SRR: variants seen among roughly 807,000 people sequenced by gnomAD.
SRR encodes D-serine ammonia-lyase.
SRR carries 19 observed loss-of-function variants against 32.7 expected under a neutral mutation model. The ratio of observed to expected loss-of-function variants is 0.58; its 90% CI spans 0.40 to 0.85. The LOEUF is 0.85. Ranked by LOEUF, SRR falls within the 40% of genes least tolerant of loss-of-function variation. The pLI is 0.00. For synonymous variants in SRR, 142 were observed against 140.9 expected, an observed-to-expected ratio of 1.01 and a Z score of -0.06; for missense variants, 373 against 404.7, an observed-to-expected ratio of 0.92 and a Z score of 0.67.
At chr17:2,321,253 G>C in intron 4 of SRR, 53 bp from the exon 5 acceptor site, 1 of 1,599,988 alleles carries the variant, frequency 6.3e-7, no homozygotes, top group South Asian at 1.1e-5. Context: ...AATGGAACTT[G>C]TTGGGGACTC....
At chr17:2,323,509 A>G (rs2075552113) in intron 7 of SRR, 146 bp from the exon 8 acceptor site, 16 of 1,147,670 alleles carry the variant, frequency 1.4e-5, no homozygotes, top group South Asian at 5.9e-5. Context: ...TGACAGAAGC[A>G]GAGTCAGAAT....
At position 2,323,139 on chromosome 17, in the gene SRR, C is replaced by G. The variant is rs773674415; in HGVS notation, c.598C>G (p.Leu200Val). The G allele has an allele frequency of 2.5e-6, 4 of 1,614,140 alleles. No homozygotes were observed. The Admixed American group carries it at 5.0e-5, about 20-fold the overall frequency. The part of the protein sequence containing the change: ...LAGIAITVKA[L>V]KPSVKVYAAE... Reference sequence around the variant, plus strand: ...GTCTTAATATTCCTCTTCCCAGGCTCTGAAACCTAGTGTGAAGGTATATGC... The same window carrying G: ...GTCTTAATATTCCTCTTCCCAGGCTGTGAAACCTAGTGTGAAGGTATATGC... Residue 200 changes from leucine (L) to valine (V), a missense_variant, in exon 7 of 8, where the codon CTG becomes GTG. Transcript: ENST00000344595.
chr17:2,319,902 C>T lies in SRR; in HGVS notation c.399+973C>T, dbSNP rs145194121. Reference sequence around the variant, plus strand: ...GGTGCCATCTTGGCTCACTGCAAGCCCCGCCTCCTGGGTTCCAGCGATTCT... The same window carrying T: ...GGTGCCATCTTGGCTCACTGCAAGCTCCGCCTCCTGGGTTCCAGCGATTCT... On this transcript the variant is annotated intron_variant, in intron 4 of 7. Transcript: ENST00000344595. Among the ~76,000 whole-genome samples the T allele has an allele frequency of 4.8e-3, 722 of 150,872 alleles. 3 individuals are homozygous for T. The highest frequency in any genetic ancestry group is 0.016 in the African/African-American group (650 of 41,074).
intron 1 of SRR, among the ~76,000 whole-genome samples, chr17:2,305,530 C>T (rs1313561944): frequency 6.6e-6 from 1 of 152,076 alleles, no homozygotes; most frequent in Non-Finnish European, 1.5e-5. Flanking sequence ...GGGGATAATA[C>T]AGCTGACTGC....
At position 2,304,174 on chromosome 17, in the gene SRR, T is replaced by G. The variant is rs200991243; in HGVS notation, c.-5+157T>G. 9.9e-5 allele frequency among the ~76,000 whole-genome samples: 15 copies of G among 151,084 alleles called. No individual in the cohort carries two copies. The East Asian group carries it at 3.0e-3, about 30-fold the overall frequency. The stretch of plus-strand genomic sequence containing the variant: ...CCTCTGGACACCTTAGGCCAGGCTC[T>G]CCCGCCACAGGCCCGGCCTAGCGCC... On this transcript the variant is annotated intron_variant, in intron 1 of 7. Coordinates refer to ENST00000344595, the MANE Select transcript of SRR (RefSeq NM_021947.3).
intron 4 of SRR, among the ~76,000 whole-genome samples, chr17:2,320,681 C>T (rs2075520666): frequency 6.6e-6 from 1 of 152,122 alleles, no homozygotes; most frequent in South Asian, 2.1e-4. Flanking sequence ...CATGCCTCAG[C>T]CACCAGAGTA....
Position 2,324,175 on chromosome 17 carries a change from G to A in SRR, c.*302G>A, listed in dbSNP as rs140951255. ...CTGGAGTACTGACTGGCACCGGTAA[G>A]ACAGAATCTCTTTGAATCCATTACT... On this transcript the variant is annotated 3_prime_UTR_variant, in exon 8 of 8. Transcript: ENST00000344595. The A allele has an allele frequency of 8.2e-4, 1,241 of 1,514,494 alleles. 20 individuals carry two copies. In the East Asian group the frequency reaches 0.026, roughly 32 times the overall value. The allele number at this position is 1,514,494 out of a possible 1,614,324, so 93.8% of individuals were successfully genotyped here.
intron 2 of SRR, 23 bp from the exon 3 acceptor site, chr17:2,317,847 A>C (rs2075489853): frequency 6.2e-7 from 1 of 1,603,970 alleles, no homozygotes; most frequent in South Asian, 1.1e-5. Context: ...CAAATATGTG[A>C]ATTCACCATC....
chr17:2,318,075 T>C, intron 3 of SRR, 79 bp downstream of exon 3: 1 of 1,415,054 alleles, frequency 7.1e-7, no homozygotes, highest in Middle Eastern at 1.9e-4. Context: ...AGAGTGATGA[T>C]AGCTGTGGGA....
chr17:2,321,193 C>T (rs1426441428), intron 4 of SRR, 113 bp from the exon 5 acceptor site: 4 of 1,279,684 alleles, frequency 3.1e-6, no homozygotes, highest in Non-Finnish European at 4.4e-6. Flanking sequence ...TCTCTAGTAC[C>T]TGAACAAAGT....
chr17:2,323,163 G>C lies in SRR; in HGVS notation c.622G>C (p.Ala208Pro). The C allele has an allele frequency of 6.2e-7, 1 of 1,614,210 alleles. No individual in the cohort carries two copies. The highest frequency in any genetic ancestry group is 8.5e-7 in the Non-Finnish European group (1 of 1,180,042). The change falls in exon 7 of 8, where the codon GCT (alanine) becomes CCT (proline). Residue 208 changes from alanine (A) to proline (P), a missense_variant. By Grantham distance (27) the Ala-to-Pro change is conservative. Transcript: ENST00000344595. The stretch of plus-strand genomic sequence containing the variant: ...TCTGAAACCTAGTGTGAAGGTATAT[G>C]CTGCTGAACCCTCAAATGCAGATGA... Reference protein sequence around the residue: ...KALKPSVKVYAAEPSNADDCY... With the variant: ...KALKPSVKVYPAEPSNADDCY...
At chr17:2,303,688 G>A (rs1160052380), upstream of SRR, 6 of 1,496,524 alleles carry the variant, frequency 4.0e-6, no homozygotes, top group African/African-American at 2.9e-5. Context: ...GCTCCGACGC[G>A]GAGATCCGCA....
intron 2 of SRR, among the ~76,000 whole-genome samples, chr17:2,316,868 A>G (rs1597264414): frequency 1.4e-5 from 2 of 138,458 alleles, no homozygotes; most frequent in South Asian, 4.8e-4. Context: ...GCCTGCCACC[A>G]CGCCCAGCTA....
chr17:2,312,214 TA>T (rs57198538), intron 1 of SRR, among the ~76,000 whole-genome samples: 368 of 119,526 alleles, frequency 3.1e-3, no homozygotes, highest in Middle Eastern at 9.2e-3. Flanking sequence ...AGACCTTATC[TA>T]AAAAAAAAAA....
chr17:2,307,532 C>T, intron 1 of SRR: 1 of 1,255,500 alleles, frequency 8.0e-7, no homozygotes, highest in South Asian at 1.2e-5. Flanking sequence ...GAGGTGGAAG[C>T]TACAATGATT....
Position 2,324,412 on chromosome 17 carries a change from T to G in SRR, c.*539T>G, listed in dbSNP as rs761759755. 4.4e-6 allele frequency: 7 copies of G among 1,599,840 alleles called. No homozygotes were observed. Among genetic ancestry groups the G allele is most frequent in the Non-Finnish European group, 6.0e-6 (7 of 1,173,798 alleles). On this transcript the variant is annotated 3_prime_UTR_variant, in exon 8 of 8. Coordinates refer to ENST00000344595, the MANE Select transcript of SRR (RefSeq NM_021947.3). ...CAGAACAAGTCGGTCAAATTAAAAGTAGAAAATTTTAAAGCAATGACTTCC... is the reference window on the plus strand; with the variant it reads ...CAGAACAAGTCGGTCAAATTAAAAGGAGAAAATTTTAAAGCAATGACTTCC...
intron 1 of SRR, among the ~76,000 whole-genome samples, chr17:2,309,552 C>G (rs1006244196): frequency 6.6e-6 from 1 of 152,134 alleles, no homozygotes; most frequent in Admixed American, 6.5e-5. Flanking sequence ...TATCTTTTCT[C>G]TTCATTCCAG....
chr17:2,307,477 G>C, intron 1 of SRR: 1 of 1,439,274 alleles, frequency 6.9e-7, no homozygotes, highest in Non-Finnish European at 9.6e-7. Context: ...ATATCGTGCA[G>C]TGGGGATGGC....
intron 1 of SRR, among the ~76,000 whole-genome samples, 180 bp downstream of exon 1, chr17:2,304,197 GC>G (rs1430096723): frequency 1.3e-5 from 2 of 151,690 alleles, no homozygotes; most frequent in Non-Finnish European, 2.9e-5. Context: ...CCGGCCTAGC[GC>G]CGCGGGCCAT....
Sources: gnomAD v4.1 joint callset for allele counts (sites outside exome capture counted in the v4.1 genomes callset) on GRCh38, gnomAD v4.1.1 for gene constraint, MANE v1.5 for transcripts, NCBI Gene and HGNC (gene_info 2026-07-23, HGNC 2026-07-21) for gene names.